Variants in PKHD1 observed in about 807,000 individuals in gnomAD.
PKHD1 encodes PKHD1 ciliary IPT domain containing fibrocystin/polyductin.
A neutral mutation model predicts 412.0 loss-of-function variants in PKHD1; 291 were observed. The observed-to-expected ratio is 0.71, with a 90% CI of 0.64 to 0.78. The LOEUF is 0.78. PKHD1 is among the 30% of genes least tolerant of loss of function. PKHD1 has a pLI of 0.00. For synonymous variants in PKHD1, 1,777 were observed against 1,821.5 expected, an observed-to-expected ratio of 0.98 and a Z score of 0.62; for missense variants, 4,825 against 4,950.7, an observed-to-expected ratio of 0.97 and a Z score of 0.76.
chr6:51,618,906 TCAG>T lies in PKHD1; in HGVS notation c.*172_*174del. 1 of 657,012 alleles carries T rather than the reference TCAG, an allele frequency of 1.5e-6. No individual in the cohort carries two copies. Among genetic ancestry groups the T allele is most frequent in the Admixed American group, 2.5e-5 (1 of 40,612 alleles). 40.7% of individuals were successfully genotyped at this position (657,012 alleles called of 1,614,324 possible). A position where few individuals can be genotyped will look rare whatever the true frequency, so the allele number is the denominator to read the frequency against. On this transcript the variant is annotated 3_prime_UTR_variant, in exon 67 of 67. Coordinates refer to ENST00000371117, the MANE Select transcript of PKHD1 (RefSeq NM_138694.4). Reference sequence around the variant, plus strand: ...CTGCAAAATATGTATGAGACATTTTTCAGTCTGTAAGCATTTATATGACTGTTT... The same window carrying T: ...CTGCAAAATATGTATGAGACATTTTTTCTGTAAGCATTTATATGACTGTTT...
At chr6:51,767,425 A>G (rs999288164) in intron 55 of PKHD1, among the ~76,000 whole-genome samples, 45 of 151,902 alleles carry the variant, frequency 3.0e-4, no homozygotes, top group South Asian at 2.1e-4. Flanking sequence ...CCATGTTGGT[A>G]TGCTGCACCC....
intron 35 of PKHD1, among the ~76,000 whole-genome samples, chr6:51,981,599 G>A (rs191888204): frequency 0.016 from 1,952 of 119,920 alleles, 18 homozygotes; most frequent in South Asian, 0.034. Context: ...GATTGCGGAC[G>A]GAGTCTCGTT....
At chr6:51,721,387 C>T (rs1345295432) in intron 60 of PKHD1, 21 of 441,686 alleles carry the variant, frequency 4.8e-5, no homozygotes, top group Middle Eastern at 1.1e-3. Context: ...TATTAATATA[C>T]CAATAATAAT....
chr6:52,025,286 C>T lies in PKHD1; in HGVS notation c.4524G>A (p.Arg1508=). The change falls in exon 32 of 67, where the codon AGG becomes AGA. Residue 1508 remains arginine, a synonymous_variant. Transcript: ENST00000371117. ...TCGGCTCATCAGCTGTGGTGGCTAACCTCTGACCCCTAATCAGCACAGTGG... is the reference window on the plus strand; with the variant it reads ...TCGGCTCATCAGCTGTGGTGGCTAATCTCTGACCCCTAATCAGCACAGTGG... ...SLTTVLIRGQ[R]LATTADEPMV... 1 of 1,613,996 alleles carries T rather than the reference C, an allele frequency of 6.2e-7. No individual in the cohort carries two copies. The highest frequency in any genetic ancestry group is 8.5e-7 in the Non-Finnish European group (1 of 1,180,026).
intron 60 of PKHD1, among the ~76,000 whole-genome samples, chr6:51,712,411 G>C (rs1780764033): frequency 6.6e-6 from 1 of 152,022 alleles, no homozygotes; most frequent in Admixed American, 6.5e-5. Context: ...TTTGTTTTTA[G>C]TATTTTTGTA....
chr6:51,706,628 C>T (rs76153229), intron 60 of PKHD1, among the ~76,000 whole-genome samples: 4,330 of 152,196 alleles, frequency 0.028, 200 homozygotes, highest in African/African-American at 0.099. Context: ...TACTCCACTT[C>T]CATCCCTAAA....
intron 53 of PKHD1, among the ~76,000 whole-genome samples, chr6:51,789,170 T>G (rs527374559): frequency 1.1e-4 from 16 of 152,120 alleles, no homozygotes; most frequent in African/African-American, 3.9e-4. Context: ...CTATGGGAAA[T>G]GGGGTGTACA....
At chr6:51,715,067 A>T (rs1173814739) in intron 60 of PKHD1, among the ~76,000 whole-genome samples, 1 of 152,254 alleles carries the variant, frequency 6.6e-6, no homozygotes. Flanking sequence ...CGGCAGAGTA[A>T]CCATCTCCAT....
Position 52,082,476 on chromosome 6 carries a change from T to A in PKHD1, c.197A>T (p.Asn66Ile). 6.2e-7 allele frequency: 1 copy of A among 1,614,066 alleles called. No homozygotes were observed. The highest frequency in any genetic ancestry group is 8.5e-7 in the Non-Finnish European group (1 of 1,179,946). The change falls in exon 4 of 67, where the codon AAC becomes ATC. Residue 66 changes from asparagine to isoleucine, a missense_variant. Physicochemically the swap from Asn to Ile is moderately radical, Grantham distance 149 (BLOSUM62 -3). Transcript: ENST00000371117. ...SQLEIHLVNV[N>I]MVVPALRSVP... is the part of the protein sequence containing the mutation. Reference sequence around the variant, plus strand: ...ACTCCGCAGTGCGGGCACCACCATGTTCACGTTCACCAGGTGTATCTCCAA... The same window carrying A: ...ACTCCGCAGTGCGGGCACCACCATGATCACGTTCACCAGGTGTATCTCCAA...
In PKHD1 at chr6:51,618,471, T is replaced by G. The variant is rs1418283851; in HGVS notation, c.*610A>C. The G allele has an allele frequency of 6.5e-6, 1 of 154,888 alleles. No individual in the cohort carries two copies. Among genetic ancestry groups the G allele is most frequent in the Non-Finnish European group, 1.4e-5 (1 of 69,690 alleles). 9.6% of individuals were successfully genotyped at this position (154,888 alleles called of 1,614,324 possible). On this transcript the variant is annotated 3_prime_UTR_variant, in exon 67 of 67. Transcript: ENST00000371117. ...TGTAAATCCTCATGAAGTGCAAATT[T>G]GATACGCTCACACTACTGTAGGTTC...
chr6:51,975,641 A>AAC (rs1349208293), intron 35 of PKHD1: 1 of 148,430 alleles, frequency 6.7e-6, no homozygotes, highest in Admixed American at 6.7e-5. Flanking sequence ...AAAAAAAAAA[A>AAC]CAAAAAGAAA....
intron 52 of PKHD1, among the ~76,000 whole-genome samples, chr6:51,793,993 G>C (rs895375903): frequency 6.6e-6 from 1 of 151,424 alleles, no homozygotes; most frequent in Admixed American, 6.6e-5. Context: ...CCTACCAATA[G>C]TGTAAAAGCA....
At chr6:51,780,321 G>T in intron 53 of PKHD1, among the ~76,000 whole-genome samples, 1 of 151,914 alleles carries the variant, frequency 6.6e-6, no homozygotes, top group East Asian at 1.9e-4. Context: ...CAGTTGCGGA[G>T]GTTGCAGTGA....
chr6:52,058,348 C>A lies in PKHD1; in HGVS notation c.1487G>T (p.Arg496Leu). The A allele has an allele frequency of 2.5e-6, 4 of 1,614,120 alleles. No homozygotes were observed. Among genetic ancestry groups the A allele is most frequent in the Non-Finnish European group, 3.4e-6 (4 of 1,180,006 alleles). ...CTGTACTTCTGGAAGCCTCTGGGCT[C>A]GGACTCGGATCTGGTGCTTCTCCCG... ...YLREKHQIRVRAQRLPEVQVL... is the reference protein window; with the variant it reads ...YLREKHQIRVLAQRLPEVQVL... The change falls in exon 16 of 67, where the codon CGA (arginine) becomes CTA (leucine). Residue 496 changes from arginine (R) to leucine (L), a missense_variant. Transcript: ENST00000371117.
At chr6:51,655,286 C>T (rs1771627203) in intron 61 of PKHD1, among the ~76,000 whole-genome samples, 1 of 152,038 alleles carries the variant, frequency 6.6e-6, no homozygotes, top group South Asian at 2.1e-4. Flanking sequence ...TTCTAGAAAG[C>T]AGGTGCCCAG....
chr6:52,057,570 C>A (rs1389100658), intron 16 of PKHD1, among the ~76,000 whole-genome samples: 2 of 152,164 alleles, frequency 1.3e-5, no homozygotes, highest in Non-Finnish European at 2.9e-5. Flanking sequence ...GCACATGCCA[C>A]CATGCCCAGC....
intron 60 of PKHD1, among the ~76,000 whole-genome samples, chr6:51,737,205 A>C (rs2150923421): frequency 6.6e-6 from 1 of 152,338 alleles, no homozygotes; most frequent in South Asian, 2.1e-4. Context: ...TGTGGTCAGA[A>C]ATCTTGGTCA....
At chr6:51,628,872 G>C (rs1249310638) in intron 65 of PKHD1, among the ~76,000 whole-genome samples, 1 of 152,106 alleles carries the variant, frequency 6.6e-6, no homozygotes, top group Non-Finnish European at 1.5e-5. Flanking sequence ...TAGAGACATA[G>C]ACCAATGGAA....
rs755656647 is a variant in PKHD1, at chr6:51,911,830, A to C, written c.6459T>G (p.Leu2153=). The change falls in exon 39 of 67, where the codon CTT becomes CTG. Residue 2153 remains leucine (L), a synonymous_variant. Transcript: ENST00000371117. ...GNLTNEREKL[L]VSCQEANAPE... ...GAGCATTGGCCTCCTGGCATGAAAC[A>C]AGCAGCTTCTCCCTCTCATTAGTGA... is the stretch of plus-strand genomic sequence containing the variant. The C allele has an allele frequency of 6.2e-7, 1 of 1,613,168 alleles. No homozygotes were observed. The highest frequency in any genetic ancestry group is 8.5e-7 in the Non-Finnish European group (1 of 1,179,328).
Sources: gnomAD v4.1 joint callset for allele counts (sites outside exome capture counted in the v4.1 genomes callset) on GRCh38, gnomAD v4.1.1 for gene constraint, MANE v1.5 for transcripts, NCBI Gene and HGNC (gene_info 2026-07-23, HGNC 2026-07-21) for gene names.